The following MEF2C variants were observed in gnomAD, a reference collection of about 807,000 sequenced individuals.
The protein encoded by MEF2C is myocyte-specific enhancer factor 2C.
MEF2C carries 6 observed loss-of-function variants against 50.5 expected under a neutral mutation model. The observed-to-expected ratio is 0.12, with a 90% CI of 0.07 to 0.23. MEF2C has a LOEUF of 0.23. Among genes scored for constraint, MEF2C ranks in the 10% least tolerant of loss-of-function variants. The pLI, the probability that MEF2C is intolerant of heterozygous loss-of-function variation, is 1.00. For synonymous variants in MEF2C, 183 were observed against 228.0 expected (o/e 0.80, Z 1.78); for missense variants, 276 against 605.0 (o/e 0.46, Z 5.70).
chr5:88,800,696 C>G (rs1390028745), intron 3 of MEF2C, among the ~76,000 whole-genome samples: 1 of 152,180 alleles, frequency 6.6e-6, no homozygotes, highest in African/African-American at 2.4e-5. Context: ...GCCATCCGAA[C>G]TGAATTTCAA....
chr5:88,797,830 G>A (rs543492347), intron 3 of MEF2C, among the ~76,000 whole-genome samples: 103 of 152,272 alleles, frequency 6.8e-4, no homozygotes, highest in African/African-American at 2.4e-3. Flanking sequence ...GCCCTTGTAA[G>A]GCAGGCCTAG....
intron 3 of MEF2C, among the ~76,000 whole-genome samples, chr5:88,789,293 C>T (rs566361497): frequency 9.0e-4 from 137 of 151,732 alleles, no homozygotes; most frequent in African/African-American, 3.1e-3. Flanking sequence ...CAGTCTCCTG[C>T]GTAGCTAGGA....
At chr5:88,741,455 T>C (rs1766743313) in intron 6 of MEF2C, 50 of 985,378 alleles carry the variant, frequency 5.1e-5, no homozygotes, top group Non-Finnish European at 5.9e-5. Flanking sequence ...GGTTGTTTTA[T>C]TTTTTTGAAT....
At chr5:88,839,177 T>A (rs1357708624) in intron 1 of MEF2C, 1 of 152,176 alleles carries the variant, frequency 6.6e-6, no homozygotes, top group Admixed American at 6.5e-5. Context: ...TTTTTCCTAC[T>A]TTCATAGGCA....
chr5:88,741,728 T>C, intron 6 of MEF2C: 2 of 984,244 alleles, frequency 2.0e-6, no homozygotes, highest in Non-Finnish European at 2.4e-6. Flanking sequence ...ATCGGTTCTT[T>C]ATAATAACTG....
At chr5:88,771,179 G>A (rs572983875) in intron 3 of MEF2C, among the ~76,000 whole-genome samples, 11 of 152,328 alleles carry the variant, frequency 7.2e-5, no homozygotes, top group African/African-American at 2.4e-4. Flanking sequence ...TCCCTCCCAT[G>A]ACATGTGGGG....
intron 1 of MEF2C, chr5:88,824,299 C>T (rs1341965109): frequency 3.0e-6 from 3 of 985,078 alleles, no homozygotes; most frequent in Non-Finnish European, 3.6e-6. Flanking sequence ...AGTTAATGAA[C>T]CTTTATGTAC....
At chr5:88,726,184 A>G (rs1267914225) in intron 10 of MEF2C, among the ~76,000 whole-genome samples, 1 of 152,130 alleles carries the variant, frequency 6.6e-6, no homozygotes, top group Admixed American at 6.6e-5. Context: ...AATTGTGGTA[A>G]CCATCTTGGG....
At chr5:88,834,086 A>G (rs1814094100) in intron 1 of MEF2C, among the ~76,000 whole-genome samples, 1 of 152,166 alleles carries the variant, frequency 6.6e-6, no homozygotes, top group African/African-American at 2.4e-5. Flanking sequence ...GGCTCACTGT[A>G]AAACATGCTG....
intron 1 of MEF2C, among the ~76,000 whole-genome samples, chr5:88,874,711 T>C (rs576995219): frequency 6.6e-6 from 1 of 152,054 alleles, no homozygotes; most frequent in Admixed American, 6.6e-5. Context: ...TCAAGAGAAA[T>C]AAAATTAAAT....
At chr5:88,818,099 G>T (rs1806378360) in intron 2 of MEF2C, among the ~76,000 whole-genome samples, 1 of 151,858 alleles carries the variant, frequency 6.6e-6, no homozygotes, top group South Asian at 2.1e-4. Context: ...GATATTGGAG[G>T]TTTCCAAGAC....
At chr5:88,756,656 T>C (rs751147310) in intron 4 of MEF2C, among the ~76,000 whole-genome samples, 35 of 152,326 alleles carry the variant, frequency 2.3e-4, no homozygotes, top group Non-Finnish European at 4.4e-4. Flanking sequence ...TATGAAGAGA[T>C]GAAGCTGCTC....
At chr5:88,877,945 A>G (rs944755557) in intron 1 of MEF2C, 1 of 152,006 alleles carries the variant, frequency 6.6e-6, no homozygotes, top group Non-Finnish European at 1.5e-5. Context: ...TACGTACTGC[A>G]TATTTGCTTC....
intron 6 of MEF2C, chr5:88,737,050 G>A: frequency 2.0e-6 from 2 of 985,098 alleles, no homozygotes; most frequent in South Asian, 9.4e-5. Context: ...TATGTTTCAG[G>A]TGCTTCACAA....
intron 1 of MEF2C, among the ~76,000 whole-genome samples, chr5:88,874,926 A>G (rs1223717264): frequency 2.0e-5 from 3 of 152,000 alleles, no homozygotes; most frequent in South Asian, 4.1e-4. Context: ...TCTAAAGAAG[A>G]AGGCTAGTTT....
intron 6 of MEF2C, chr5:88,738,007 G>C: frequency 1.0e-6 from 1 of 985,338 alleles, no homozygotes; most frequent in South Asian, 4.7e-5. Flanking sequence ...AGAACGCCTT[G>C]CTCTAGAATA....
chr5:88,838,745 A>G (rs1177337285), intron 1 of MEF2C: 9 of 983,676 alleles, frequency 9.1e-6, no homozygotes, highest in Non-Finnish European at 1.1e-5. Flanking sequence ...CCTTCTCGTT[A>G]TGCTCTTTCT....
intron 2 of MEF2C, among the ~76,000 whole-genome samples, chr5:88,812,083 T>C (rs1405635742): frequency 6.6e-6 from 1 of 152,160 alleles, no homozygotes; most frequent in African/African-American, 2.4e-5. Flanking sequence ...TCTTCTCTGA[T>C]GCACCAGGCT....
At chr5:88,800,842 T>C (rs1017924468) in intron 3 of MEF2C, among the ~76,000 whole-genome samples, 2 of 152,214 alleles carry the variant, frequency 1.3e-5, no homozygotes, top group African/African-American at 4.8e-5. Context: ...ATTAAAAATT[T>C]AACACATTTA....
Sources: allele counts gnomAD v4.1 joint callset (sites outside exome capture counted in the v4.1 genomes callset), GRCh38; gene constraint gnomAD v4.1.1; transcripts MANE v1.5; gene names NCBI Gene and HGNC (gene_info 2026-07-23, HGNC 2026-07-21).